The following AGAP1 variants were observed in gnomAD, a reference collection of about 807,000 sequenced individuals.
AGAP1 encodes ArfGAP with GTPase domain, ankyrin repeat and PH domain 1.
In AGAP1, 29 loss-of-function variants were observed where a neutral mutation model predicts 105.3. That is an observed-to-expected ratio of 0.28 (90% CI 0.21 to 0.38). AGAP1 has a LOEUF of 0.38. Among genes scored for constraint, AGAP1 ranks in the 10% least tolerant of loss-of-function variants. The probability of loss-of-function intolerance (pLI) is 1.00; values close to 1 mark genes in which losing one functional copy is unlikely to be tolerated. For synonymous variants in AGAP1, 509 were observed against 485.9 expected, an observed-to-expected ratio of 1.05 and a Z score of -0.63; for missense variants, 998 against 1,165.1, an observed-to-expected ratio of 0.86 and a Z score of 2.09.
chr2:235,775,509 G>A (rs1370064317), intron 6 of AGAP1: 1 of 152,088 alleles, frequency 6.6e-6, no homozygotes, highest in Non-Finnish European at 1.5e-5. Context: ...AGACAAAAAA[G>A]AAAAATAAAT....
chr2:235,948,931 G>A lies in AGAP1; in HGVS notation c.1483+18008G>A, dbSNP rs151163878. On this transcript the variant is annotated intron_variant, in intron 12 of 17. Transcript: ENST00000304032. ...CCAGTAAAGCAGACAGCATTCCAGT[G>A]TTATCTGGAATTATTTACAAACGCA... Among the ~76,000 whole-genome samples the A allele has an allele frequency of 1.7e-3, 260 of 152,330 alleles. 1 individual carries two copies. Among genetic ancestry groups the A allele is most frequent in the African/African-American group, 3.7e-3 (152 of 41,584 alleles).
At chr2:235,916,185 C>G (rs192287254) in intron 11 of AGAP1, among the ~76,000 whole-genome samples, 1 of 152,188 alleles carries the variant, frequency 6.6e-6, no homozygotes, top group African/African-American at 2.4e-5. Flanking sequence ...AAAGAAGAAT[C>G]CAAAAGATAT....
Position 236,061,856 on chromosome 2 carries a change from A to G in AGAP1, c.2114+12575A>G, listed in dbSNP as rs192974419. Among the ~76,000 whole-genome samples the G allele has an allele frequency of 4.6e-5, 7 of 151,256 alleles. No homozygotes were observed. The East Asian group carries it at 1.2e-3, about 25-fold the overall frequency. ...TGTACACTTTTAAAGTGTGAATTTTATGGTATATAAATTATGTCAATTTTG... is the reference window on the plus strand; with the variant it reads ...TGTACACTTTTAAAGTGTGAATTTTGTGGTATATAAATTATGTCAATTTTG... On this transcript the variant is annotated intron_variant, in intron 16 of 17. Transcript: ENST00000304032. The surrounding 1 kb of genome is among the most constrained non-coding windows in gnomAD (Gnocchi z 4.1).
intron 1 of AGAP1, among the ~76,000 whole-genome samples, chr2:235,565,461 C>T (rs1944318465): frequency 6.6e-6 from 1 of 152,324 alleles, no homozygotes; most frequent in East Asian, 1.9e-4. Context: ...GCAGTTACAC[C>T]ACTCATGCCT....
At chr2:236,099,544 C>CA (rs1267371759) in intron 16 of AGAP1, among the ~76,000 whole-genome samples, 4 of 152,012 alleles carry the variant, frequency 2.6e-5, no homozygotes, top group Non-Finnish European at 4.4e-5. Flanking sequence ...ACCATCCTTT[C>CA]AAAAAAAGGA....
At chr2:235,894,785 T>G (rs752914133) in intron 10 of AGAP1, among the ~76,000 whole-genome samples, 1 of 152,184 alleles carries the variant, frequency 6.6e-6, no homozygotes, top group Non-Finnish European at 1.5e-5. Context: ...ATTCGGCTCC[T>G]CTCTTAGCTG....
At chr2:235,840,919 A>G (rs981997266) in intron 9 of AGAP1, among the ~76,000 whole-genome samples, 1 of 152,128 alleles carries the variant, frequency 6.6e-6, no homozygotes, top group Non-Finnish European at 1.5e-5. Context: ...TAGGAGGGAC[A>G]AAGGCAGAAT....
At chr2:235,828,291 C>A (rs755785747) in intron 9 of AGAP1, among the ~76,000 whole-genome samples, 1 of 152,116 alleles carries the variant, frequency 6.6e-6, no homozygotes, top group South Asian at 2.1e-4. Context: ...TTGGGAATTT[C>A]TTTTTTTGGT....
Position 235,989,890 on chromosome 2 carries a change from GA to G in AGAP1, c.1645+21268del, listed in dbSNP as rs1352735580. 6.6e-6 allele frequency among the ~76,000 whole-genome samples: 1 copy of G among 152,168 alleles called. No homozygotes were observed. The highest frequency in any genetic ancestry group is 1.9e-4 in the East Asian group (1 of 5,178). ...TGCCCACAGGAGAAGAGATGAAAGA[GA>G]GGGGAGGGGCTGGCCAGTCAGCAAT... On this transcript the variant is annotated intron_variant, in intron 13 of 17. Transcript: ENST00000304032. This position sits in a 1 kb window ranked among gnomAD's most constrained non-coding sequence, Gnocchi z 4.4.
intron 10 of AGAP1, among the ~76,000 whole-genome samples, chr2:235,895,569 A>G (rs1206939565): frequency 6.6e-6 from 1 of 152,078 alleles, no homozygotes; most frequent in Non-Finnish European, 1.5e-5. Context: ...CTATTTGGGC[A>G]CCCATGCTGT....
At chr2:235,697,562 C>G (rs1164341180) in intron 1 of AGAP1, among the ~76,000 whole-genome samples, 1 of 152,192 alleles carries the variant, frequency 6.6e-6, no homozygotes, top group Non-Finnish European at 1.5e-5. Context: ...ACTGTGCTCC[C>G]TTCACCTTGC....
In AGAP1 at chr2:235,769,854, C is replaced by T. The variant is rs1955279250; in HGVS notation, c.673+19366C>T. Reference sequence around the variant, plus strand: ...CACAGGGGAGGGAGGACATGGCCCTCGGCTGCCAAGGAGCATCCAGTCCTT... The same window carrying T: ...CACAGGGGAGGGAGGACATGGCCCTTGGCTGCCAAGGAGCATCCAGTCCTT... On this transcript the variant is annotated intron_variant, in intron 6 of 17. Transcript: ENST00000304032. This position sits in a 1 kb window ranked among gnomAD's most constrained non-coding sequence, Gnocchi z 4.4. Among the ~76,000 whole-genome samples the T allele has an allele frequency of 6.6e-6, 1 of 152,268 alleles. No homozygotes were observed. The highest frequency in any genetic ancestry group is 2.1e-4 in the South Asian group (1 of 4,820).
rs188742674 is a variant in AGAP1, at chr2:235,832,479, G to A, written c.1050+25148G>A. Among the ~76,000 whole-genome samples the A allele has an allele frequency of 2.5e-3, 379 of 152,292 alleles. 1 individual carries two copies. Among genetic ancestry groups the A allele is most frequent in the Non-Finnish European group, 4.5e-3 (308 of 68,016 alleles). ...CATCCTCAAAATCATCAACTCTTCC[G>A]ATGAGATAATTGCTTAGGAGCATAT... On this transcript the variant is annotated intron_variant, in intron 9 of 17. Coordinates refer to ENST00000304032, the MANE Select transcript of AGAP1 (RefSeq NM_001037131.3).
rs1354068829 is a variant in AGAP1, at chr2:235,721,088, A to G, written c.310+3444A>G. ...AGTGGCGTGATCTCAGCTCACTCCAACCTCTGCCTCCAGGATTCAAGTGAT... is the reference window on the plus strand; with the variant it reads ...AGTGGCGTGATCTCAGCTCACTCCAGCCTCTGCCTCCAGGATTCAAGTGAT... On this transcript the variant is annotated intron_variant, in intron 3 of 17. Transcript: ENST00000304032. This position sits in a 1 kb window ranked among gnomAD's most constrained non-coding sequence, Gnocchi z 4.5. Among the ~76,000 whole-genome samples the G allele has an allele frequency of 6.6e-6, 1 of 152,038 alleles. No homozygotes were observed. The highest frequency in any genetic ancestry group is 2.4e-5 in the African/African-American group (1 of 41,388).
At chr2:235,920,879 A>G (rs2052151835) in intron 11 of AGAP1, among the ~76,000 whole-genome samples, 1 of 152,228 alleles carries the variant, frequency 6.6e-6, no homozygotes. Context: ...CAGTTTACAG[A>G]GTGCTTTACA....
chr2:235,956,379 C>A (rs1228517209), intron 12 of AGAP1, among the ~76,000 whole-genome samples: 1 of 152,180 alleles, frequency 6.6e-6, no homozygotes, highest in Non-Finnish European at 1.5e-5. Context: ...GCATTGCATT[C>A]CCAAGCATGC....
chr2:235,727,356 TTGTGCAA>T (rs1189726581), intron 3 of AGAP1, among the ~76,000 whole-genome samples: 1 of 152,048 alleles, frequency 6.6e-6, no homozygotes, highest in African/African-American at 2.4e-5. Context: ...GGAGGGGGTG[TTGTGCAA>T]TGCAGTTCTC....
At chr2:236,107,586 G>A (rs1269948922) in intron 16 of AGAP1, among the ~76,000 whole-genome samples, 1 of 152,210 alleles carries the variant, frequency 6.6e-6, no homozygotes, top group Non-Finnish European at 1.5e-5. Flanking sequence ...AAAGCCACGA[G>A]TGCCCCAAGT....
chr2:235,774,830 G>C (rs1955738075), intron 6 of AGAP1, among the ~76,000 whole-genome samples: 1 of 152,140 alleles, frequency 6.6e-6, no homozygotes, highest in African/African-American at 2.4e-5. Flanking sequence ...CGAGATCTCT[G>C]CGGTGGGTTG....
Sources: gnomAD v4.1 joint callset for allele counts (sites outside exome capture counted in the v4.1 genomes callset) on GRCh38, gnomAD v4.1.1 for gene constraint, Gnocchi (gnomAD v3.1) non-coding constraint, MANE v1.5 for transcripts, NCBI Gene and HGNC (gene_info 2026-07-23, HGNC 2026-07-21) for gene names.